NUMBL: variants seen among roughly 807,000 people sequenced by gnomAD.
The protein encoded by NUMBL is NUMB like endocytic adaptor protein, also known as numb-like protein.
NUMBL carries 20 observed loss-of-function variants against 48.9 expected under a neutral mutation model. That is an observed-to-expected ratio of 0.41 (90% confidence interval 0.29 to 0.59). The LOEUF (loss-of-function observed/expected upper bound fraction) is 0.59. NUMBL is among the 20% of genes least tolerant of loss of function. The pLI, the probability that NUMBL is intolerant of heterozygous loss-of-function variation, is 0.31. For synonymous variants in NUMBL, 340 were observed against 348.7 expected, an observed-to-expected ratio of 0.98 and a Z score of 0.28; for missense variants, 660 against 846.2, an observed-to-expected ratio of 0.78 and a Z score of 2.73.
chr19:40,677,171 C>T (rs1006215593), intron 7 of NUMBL, 61 bp downstream of exon 7: 2 of 1,514,818 alleles, frequency 1.3e-6, no homozygotes, highest in Non-Finnish European at 1.8e-6. Flanking sequence ...GCTCCCTGCC[C>T]CCTGATACTG....
In NUMBL at chr19:40,682,990, G is replaced by A. The variant is rs563493196; in HGVS notation, c.250-22C>T. 6 of 1,609,140 alleles carry A rather than the reference G, an allele frequency of 3.7e-6. 1 individual carries two copies. In the African/African-American group the frequency reaches 5.4e-5, roughly 14 times the overall value. ...GGTACTTGGGTTGGAGGGAATGGGG[G>A]GGGGGACATGAAACAGCACAGTAAT... On this transcript the variant is annotated intron_variant, in intron 3 of 9. Transcript: ENST00000252891. This position sits in a 1 kb window ranked among gnomAD's most constrained non-coding sequence, Gnocchi z 4.0.
rs927183988 is a variant in NUMBL at position 40,673,153 on chromosome 19, T to G, written c.1036+191A>C. 6.6e-6 allele frequency among the ~76,000 whole-genome samples: 1 copy of G among 152,206 alleles called. No homozygotes were observed. Among genetic ancestry groups the G allele is most frequent in the African/African-American group, 2.4e-5 (1 of 41,448 alleles). ...CAGAGCAGACACGGCTTATCAATCC[T>G]GATTTGTGCTATCTCTTTCCTCTCC... On this transcript the variant is annotated intron_variant, in intron 8 of 9. Transcript: ENST00000252891. This position sits in a 1 kb window ranked among gnomAD's most constrained non-coding sequence, Gnocchi z 5.9.
In NUMBL at chr19:40,677,300, C is replaced by A. The variant is rs1476471206; in HGVS notation, c.662G>T (p.Arg221Leu). ...CCCAGACAGGCGGAAGGAGCCCTCGCGGGCGAAGCTGGTGCGGCTGGCATC... is the reference window on the plus strand; with the variant it reads ...CCCAGACAGGCGGAAGGAGCCCTCGAGGGCGAAGCTGGTGCGGCTGGCATC... ...AFDASRTSFA[R>L]EGSFRLSGGG... Residue 221 changes from arginine to leucine, a missense_variant, in exon 7 of 10, where the codon CGC becomes CTC. By Grantham distance (102) the Arg-to-Leu change is moderately radical. Around this residue, in one of 3 missense-constraint regions of NUMBL, gnomAD observed 278 missense variants for 420.6 expected, o/e 0.66. Transcript: ENST00000252891. The A allele has an allele frequency of 6.2e-7, 1 of 1,610,142 alleles. No homozygotes were observed. Among genetic ancestry groups the A allele is most frequent in the Non-Finnish European group, 8.5e-7 (1 of 1,178,854 alleles).
At chr19:40,680,848 G>A in intron 6 of NUMBL, 69 bp downstream of exon 6, 1 of 1,555,526 alleles carries the variant, frequency 6.4e-7, no homozygotes, top group Non-Finnish European at 8.9e-7. Flanking sequence ...AATGCAGGAA[G>A]CTTGTAGGGG....
intron 6 of NUMBL, among the ~76,000 whole-genome samples, chr19:40,678,503 TC>T (rs1297135227): frequency 6.6e-6 from 1 of 151,762 alleles, no homozygotes; most frequent in East Asian, 1.9e-4. Flanking sequence ...ACAAGAGATC[TC>T]CCCTCCACCT....
intron 6 of NUMBL, among the ~76,000 whole-genome samples, chr19:40,678,303 T>C (rs2081888592): frequency 6.6e-6 from 1 of 152,120 alleles, no homozygotes; most frequent in South Asian, 2.1e-4. Context: ...GCTGGGATTA[T>C]AGGCATGCGC....
chr19:40,685,302 A>ATGTG (rs57140242), intron 2 of NUMBL: 2,625 of 151,336 alleles, frequency 0.017, 56 homozygotes, highest in African/African-American at 0.05. Context: ...GCAGAGGGGG[A>ATGTG]TGTGTGTGTG....
rs545815492 is a variant in NUMBL, at chr19:40,670,537, C to T, written c.1037-517G>A. On this transcript the variant is annotated intron_variant, in intron 8 of 9. Coordinates refer to ENST00000252891, the MANE Select transcript of NUMBL (RefSeq NM_004756.5). Reference sequence around the variant, plus strand: ...GGCAGGAGACACTGAGCAGGCATGGCGGCCCCGTGAGGGCTTGTGATGAGC... The same window carrying T: ...GGCAGGAGACACTGAGCAGGCATGGTGGCCCCGTGAGGGCTTGTGATGAGC... Among the ~76,000 whole-genome samples the T allele has an allele frequency of 2.0e-5, 3 of 151,962 alleles. No homozygotes were observed. In the South Asian group the frequency reaches 6.2e-4, roughly 32 times the overall value.
intron 5 of NUMBL, among the ~76,000 whole-genome samples, 199 bp from the exon 6 acceptor site, chr19:40,681,256 G>A (rs1444013322): frequency 6.6e-6 from 1 of 152,162 alleles, no homozygotes. Context: ...GCAGCCCAGA[G>A]TCATAGCCAG....
At chr19:40,670,064 C>G in intron 8 of NUMBL, 44 bp from the exon 9 acceptor site, 2 of 1,596,284 alleles carry the variant, frequency 1.3e-6, no homozygotes, top group South Asian at 1.1e-5. Flanking sequence ...AGGCCCAGAC[C>G]CTGCCGCAGC....
Position 40,666,010 on chromosome 19 carries a change from C to T in NUMBL, c.*1458G>A, listed in dbSNP as rs2081803816. The T allele has an allele frequency of 1.3e-5, 2 of 152,096 alleles. No individual in the cohort carries two copies. The highest frequency in any genetic ancestry group is 1.3e-4 in the Admixed American group (2 of 15,262). 9.4% of individuals were successfully genotyped at this position (152,096 alleles called of 1,614,324 possible). On this transcript the variant is annotated 3_prime_UTR_variant, in exon 10 of 10. Coordinates refer to ENST00000252891, the MANE Select transcript of NUMBL (RefSeq NM_004756.5). ...ACAATAGCAAGACTGTAAAACGTTG[C>T]CACATCAGGTGACACTTTGGCCAGA...
chr19:40,668,048 A>G lies in NUMBL; in HGVS notation c.1250T>C (p.Leu417Pro). The change falls in exon 10 of 10, where the codon CTG becomes CCG. Residue 417 changes from leucine to proline, a missense_variant. By Grantham distance (98) the Leu-to-Pro change is moderately conservative. Around this residue, in one of 3 missense-constraint regions of NUMBL, gnomAD observed 296 missense variants for 339.7 expected, o/e 0.87. Coordinates refer to ENST00000252891, the MANE Select transcript of NUMBL (RefSeq NM_004756.5). The stretch of plus-strand genomic sequence containing the variant: ...CTTGGCCACCTGTGACACCTCCTCC[A>G]GCCATCGCTCAGCCTCTGAAGGTGT... ...KRTPSEAERW[L>P]EEVSQVAKAQ... is the part of the protein sequence containing the mutation. The G allele has an allele frequency of 6.3e-7, 1 of 1,586,422 alleles. No homozygotes were observed. The highest frequency in any genetic ancestry group is 8.6e-7 in the Non-Finnish European group (1 of 1,166,960).
At position 40,667,718 on chromosome 19, in the gene NUMBL, T is replaced by C. The variant is rs1420762714; in HGVS notation, c.1580A>G (p.Gln527Arg). ...CCCAAGCAGAGTGGCAGGCTGAGGC[T>C]GGAGCTGGGCGGCTGAGCAGAAGGC... is the stretch of plus-strand genomic sequence containing the variant. ...ANAFCSAAQL[Q>R]PQPATLLGKA... The change falls in exon 10 of 10, where the codon CAG becomes CGG. Residue 527 changes from glutamine (Q) to arginine (R), a missense_variant. By Grantham distance (43) the Gln-to-Arg change is conservative (BLOSUM62 1). Around this residue, in one of 3 missense-constraint regions of NUMBL, gnomAD observed 296 missense variants for 339.7 expected, o/e 0.87. Coordinates refer to ENST00000252891, the MANE Select transcript of NUMBL (RefSeq NM_004756.5). The surrounding 1 kb of genome is among the most constrained non-coding windows in gnomAD (Gnocchi z 6.1). 2 of 1,575,000 alleles carry C rather than the reference T, an allele frequency of 1.3e-6. No homozygotes were observed. The highest frequency in any genetic ancestry group is 1.7e-6 in the Non-Finnish European group (2 of 1,161,030).
chr19:40,668,153 G>C lies in NUMBL; in HGVS notation c.1160-15C>G. 1 of 1,576,946 alleles carries C rather than the reference G, an allele frequency of 6.3e-7. No individual in the cohort carries two copies. The highest frequency in any genetic ancestry group is 8.6e-7 in the Non-Finnish European group (1 of 1,159,612). ...GGCAGAAGTCCCTGGAGAGAGGAGAGGGACAGGTGAGGGAGGGGGCAACGG... is the reference window on the plus strand; with the variant it reads ...GGCAGAAGTCCCTGGAGAGAGGAGACGGACAGGTGAGGGAGGGGGCAACGG... On this transcript the variant is annotated splice_polypyrimidine_tract_variant and intron_variant, in intron 9 of 9. Coordinates refer to ENST00000252891, the MANE Select transcript of NUMBL (RefSeq NM_004756.5).
At position 40,667,443 on chromosome 19, in the gene NUMBL, G is replaced by A. The variant is rs890910865; in HGVS notation, c.*25C>T. On this transcript the variant is annotated 3_prime_UTR_variant, in exon 10 of 10. Coordinates refer to ENST00000252891, the MANE Select transcript of NUMBL (RefSeq NM_004756.5). This position sits in a 1 kb window ranked among gnomAD's most constrained non-coding sequence, Gnocchi z 6.1. ...CCCCAGGCGTGGGGCACCTGGAGAT[G>A]ATGGAGTGGGTGGGGCGGCTCGGGC... is the stretch of plus-strand genomic sequence containing the variant. The A allele has an allele frequency of 1.3e-6, 2 of 1,598,890 alleles. No individual in the cohort carries two copies. Among genetic ancestry groups the A allele is most frequent in the African/African-American group, 1.3e-5 (1 of 74,746 alleles).
intron 3 of NUMBL, among the ~76,000 whole-genome samples, chr19:40,683,674 G>A (rs375948667): frequency 6.6e-6 from 1 of 152,200 alleles, no homozygotes; most frequent in Non-Finnish European, 1.5e-5. Context: ...AAAGCGTAGG[G>A]TATGGCTAAA....
In NUMBL at chr19:40,667,462, C is replaced by T. The variant is rs1408626778; in HGVS notation, c.*6G>A. 14 of 1,602,156 alleles carry T rather than the reference C, an allele frequency of 8.7e-6. No individual in the cohort carries two copies. Among genetic ancestry groups the T allele is most frequent in the Non-Finnish European group, 1.0e-5 (12 of 1,175,064 alleles). ...GGAGATGATGGAGTGGGTGGGGCGG[C>T]TCGGGCTACAGTTCAATCTCGAATG... On this transcript the variant is annotated 3_prime_UTR_variant, in exon 10 of 10. Coordinates refer to ENST00000252891, the MANE Select transcript of NUMBL (RefSeq NM_004756.5). This position sits in a 1 kb window ranked among gnomAD's most constrained non-coding sequence, Gnocchi z 6.1.
In NUMBL at chr19:40,673,243, G is replaced by T; in HGVS notation, c.1036+101C>A. On this transcript the variant is annotated intron_variant, in intron 8 of 9. Transcript: ENST00000252891. This position sits in a 1 kb window ranked among gnomAD's most constrained non-coding sequence, Gnocchi z 5.9. The stretch of plus-strand genomic sequence containing the variant: ...CTCTCCTTTGCCCATGGCAGACAGT[G>T]CAAATCAATCACAGTGTGAACCATC... The T allele has an allele frequency of 1.6e-6, 2 of 1,241,960 alleles. No homozygotes were observed. The highest frequency in any genetic ancestry group is 1.5e-5 in the South Asian group (1 of 66,012). 76.9% of individuals were successfully genotyped at this position (1,241,960 alleles called of 1,614,324 possible).
In NUMBL at chr19:40,667,149, A is replaced by C; in HGVS notation, c.*319T>G. ...GGTGGGGGTCAACAGAAACTGGGAA[A>C]TGGAGTGTGAACCAAGGGCATTCAG... On this transcript the variant is annotated 3_prime_UTR_variant, in exon 10 of 10. Transcript: ENST00000252891. This position sits in a 1 kb window ranked among gnomAD's most constrained non-coding sequence, Gnocchi z 6.1. The C allele has an allele frequency of 2.9e-6, 1 of 346,674 alleles. No homozygotes were observed. The highest frequency in any genetic ancestry group is 5.4e-6 in the Non-Finnish European group (1 of 184,132). The allele number at this position is 346,674 out of a possible 1,614,324, so 21.5% of individuals were successfully genotyped here. A position where few individuals can be genotyped will look rare whatever the true frequency, so the allele number is the denominator to read the frequency against.
Sources: gnomAD v4.1 joint callset for allele counts (sites outside exome capture counted in the v4.1 genomes callset) on GRCh38, gnomAD v4.1.1 for gene constraint, gnomAD v4.1.1 regional missense constraint, Gnocchi (gnomAD v3.1) non-coding constraint, MANE v1.5 for transcripts, NCBI Gene and HGNC (gene_info 2026-07-23, HGNC 2026-07-21) for gene names.